The following NRXN3 variants were observed in gnomAD, a reference collection of about 807,000 sequenced individuals.
NRXN3 encodes neurexin III.
NRXN3 carries 32 observed loss-of-function variants against 137.6 expected under a neutral mutation model. The observed-to-expected ratio is 0.23, with a 90% CI of 0.18 to 0.31. The LOEUF is 0.31. Ranked by LOEUF, NRXN3 falls within the 10% of genes least tolerant of loss-of-function variation. The probability of loss-of-function intolerance (pLI) is 1.00; values close to 1 mark genes in which losing one functional copy is unlikely to be tolerated. For missense variants in NRXN3, 1,574 were observed against 2,062.5 expected (o/e 0.76, Z 4.59); for synonymous variants, 798 against 784.5 (o/e 1.02, Z -0.29).
At chr14:78,500,956 T>G (rs2095867231) in intron 4 of NRXN3, among the ~76,000 whole-genome samples, 1 of 152,166 alleles carries the variant, frequency 6.6e-6, no homozygotes, top group Admixed American at 6.6e-5. Context: ...TTAATGGGAA[T>G]AGACAGCTCA....
intron 16 of NRXN3, among the ~76,000 whole-genome samples, chr14:79,527,456 A>T (rs2097131042): frequency 6.6e-6 from 1 of 152,112 alleles, no homozygotes; most frequent in Non-Finnish European, 1.5e-5. Flanking sequence ...CATGGAAGAA[A>T]TACTAGGGTC....
At chr14:78,566,379 G>T (rs2096835674) in intron 4 of NRXN3, among the ~76,000 whole-genome samples, 4 of 138,576 alleles carry the variant, frequency 2.9e-5, no homozygotes, top group Admixed American at 2.7e-4. Flanking sequence ...CTAAAATGTT[G>T]GTTTTTTTTT....
chr14:79,423,317 G>C (rs1157134568), intron 15 of NRXN3, among the ~76,000 whole-genome samples: 1 of 151,994 alleles, frequency 6.6e-6, no homozygotes, highest in Non-Finnish European at 1.5e-5. Flanking sequence ...TTGTACTCTG[G>C]GTCTTCTCTG....
intron 4 of NRXN3, among the ~76,000 whole-genome samples, chr14:78,626,786 T>C (rs76566861): frequency 0.016 from 2,360 of 152,230 alleles, 53 homozygotes; most frequent in African/African-American, 0.054. Flanking sequence ...AAAAAGGAGA[T>C]TGTCTTTCAG....
chr14:79,225,782 T>C (rs2070749245), intron 15 of NRXN3, among the ~76,000 whole-genome samples: 1 of 152,316 alleles, frequency 6.6e-6, no homozygotes, highest in South Asian at 2.1e-4. Flanking sequence ...ATTTGAGTTG[T>C]TGGCAGAATT....
In NRXN3 at chr14:78,605,951, G is replaced by A. The variant is rs573560981; in HGVS notation, c.758-39169G>A. Among the ~76,000 whole-genome samples, 87 of 152,238 alleles carry A rather than the reference G, an allele frequency of 5.7e-4. 3 individuals carry two copies. In the South Asian group the frequency reaches 0.018, roughly 31 times the overall value. On this transcript the variant is annotated intron_variant, in intron 4 of 20. Transcript: ENST00000335750. Reference sequence around the variant, plus strand: ...TATAAGTGTGCGAGTGTGTATACATGTTTTTAATTCCTTAGGATTAGCAGA... The same window carrying A: ...TATAAGTGTGCGAGTGTGTATACATATTTTTAATTCCTTAGGATTAGCAGA...
At chr14:78,186,855 C>A (rs1363619626) in intron 1 of NRXN3, among the ~76,000 whole-genome samples, 1 of 152,094 alleles carries the variant, frequency 6.6e-6, no homozygotes, top group Non-Finnish European at 1.5e-5. Context: ...TTTGGGAGAG[C>A]CCTAGACTTG....
chr14:79,680,456 T>G (rs1168837258), intron 17 of NRXN3, among the ~76,000 whole-genome samples: 4 of 151,784 alleles, frequency 2.6e-5, no homozygotes, highest in Non-Finnish European at 2.9e-5. Flanking sequence ...TGTGTGTGTG[T>G]GTGTATGTGT....
At chr14:79,486,961 C>CTCTCTCTCTCTCTCT (rs2096662787) in intron 16 of NRXN3, among the ~76,000 whole-genome samples, 1 of 145,870 alleles carries the variant, frequency 6.9e-6, no homozygotes, top group African/African-American at 2.7e-5. Context: ...CTCTCTCTCT[C>CTCTCTCTCTCTCTCT]CCACACACAC....
At chr14:79,520,536 C>G (rs892830517) in intron 16 of NRXN3, among the ~76,000 whole-genome samples, 1 of 152,140 alleles carries the variant, frequency 6.6e-6, no homozygotes, top group African/African-American at 2.4e-5. Context: ...TGAGAACATG[C>G]AGTGTTTAGT....
In NRXN3 at chr14:78,378,282, C is replaced by T. The variant is rs551308252; in HGVS notation, c.757+80422C>T. On this transcript the variant is annotated intron_variant, in intron 4 of 20. Coordinates refer to ENST00000335750, the MANE Select transcript of NRXN3 (RefSeq NM_001330195.2). ...GATGGATCACCTGAGGTCAGGAGTTCGAGACCAGCCTGGCCAACATGGTGA... is the reference window on the plus strand; with the variant it reads ...GATGGATCACCTGAGGTCAGGAGTTTGAGACCAGCCTGGCCAACATGGTGA... Among the ~76,000 whole-genome samples the T allele has an allele frequency of 2.0e-3, 310 of 152,170 alleles. 1 individual carries two copies. The highest frequency in any genetic ancestry group is 3.7e-3 in the South Asian group (18 of 4,820).
At chr14:78,850,738 G>A (rs1350526901) in intron 10 of NRXN3, among the ~76,000 whole-genome samples, 4 of 152,046 alleles carry the variant, frequency 2.6e-5, no homozygotes, top group African/African-American at 7.2e-5. Flanking sequence ...TACCACCACC[G>A]CTGGGTAGAA....
chr14:79,504,657 A>ATATATATATATATATG (rs2153679834), intron 16 of NRXN3, among the ~76,000 whole-genome samples: 1 of 139,744 alleles, frequency 7.2e-6, no homozygotes, highest in South Asian at 2.2e-4. Flanking sequence ...ATATATATGT[A>ATATATATATATATATG]TATATATATA....
chr14:78,254,956 T>C (rs2069295223), intron 2 of NRXN3, among the ~76,000 whole-genome samples: 7 of 152,102 alleles, frequency 4.6e-5, no homozygotes, highest in Non-Finnish European at 1.5e-5. Context: ...CTTCTTACTC[T>C]GCCAGGTTGC....
intron 15 of NRXN3, among the ~76,000 whole-genome samples, chr14:79,213,015 T>C (rs1244788905): frequency 1.3e-5 from 2 of 152,168 alleles, no homozygotes; most frequent in Non-Finnish European, 2.9e-5. Flanking sequence ...TTAGTTTAGA[T>C]ACAATATATT....
At chr14:78,331,101 G>A (rs558257179) in intron 4 of NRXN3, among the ~76,000 whole-genome samples, 4 of 152,148 alleles carry the variant, frequency 2.6e-5, no homozygotes, top group Admixed American at 6.6e-5. Context: ...AGTCTATAAT[G>A]TCAAATAATA....
chr14:78,432,019 G>C (rs747175885), intron 4 of NRXN3, among the ~76,000 whole-genome samples: 5 of 152,156 alleles, frequency 3.3e-5, no homozygotes, highest in African/African-American at 7.2e-5. Context: ...GTGCCATTAT[G>C]GGGGAGGAAA....
At chr14:78,197,237 A>C (rs557049811) in intron 1 of NRXN3, among the ~76,000 whole-genome samples, 1 of 152,334 alleles carries the variant, frequency 6.6e-6, no homozygotes, top group Non-Finnish European at 1.5e-5. Flanking sequence ...TGCATGCATA[A>C]TCAATACAGG....
chr14:79,609,091 T>C (rs1056326370), intron 16 of NRXN3, among the ~76,000 whole-genome samples: 5 of 152,036 alleles, frequency 3.3e-5, no homozygotes, highest in African/African-American at 1.2e-4. Flanking sequence ...TTTCATAGTG[T>C]ATTTAATCAC....
Sources: allele counts gnomAD v4.1 joint callset (sites outside exome capture counted in the v4.1 genomes callset), GRCh38; gene constraint gnomAD v4.1.1; transcripts MANE v1.5; gene names NCBI Gene and HGNC (gene_info 2026-07-23, HGNC 2026-07-21).